The following ADARB2 variants were observed in gnomAD, a reference collection of about 807,000 sequenced individuals.
The protein encoded by ADARB2 is inactive double-stranded RNA-specific editase B2.
ADARB2 carries 25 observed loss-of-function variants against 62.2 expected under a neutral mutation model. The ratio of observed to expected loss-of-function variants is 0.40; its 90% CI spans 0.29 to 0.56. The LOEUF (loss-of-function observed/expected upper bound fraction) is 0.56. ADARB2 is among the 20% of genes least tolerant of loss of function. The pLI, the probability that ADARB2 is intolerant of heterozygous loss-of-function variation, is 0.43. For synonymous variants in ADARB2, 572 were observed against 500.8 expected (o/e 1.14, Z -1.90); for missense variants, 1,071 against 1,077.4 (o/e 0.99, Z 0.08).
chr10:1,574,639 C>T (rs1298857638), intron 1 of ADARB2, among the ~76,000 whole-genome samples: 1 of 152,170 alleles, frequency 6.6e-6, no homozygotes, highest in East Asian at 1.9e-4. Context: ...CGGGGTCCTC[C>T]CTCTGTGCAT....
At chr10:1,384,852 A>G (rs984860505) in intron 1 of ADARB2, among the ~76,000 whole-genome samples, 4 of 152,100 alleles carry the variant, frequency 2.6e-5, no homozygotes, top group Admixed American at 6.5e-5. Context: ...AGAAGGAGAG[A>G]CTCAGATTTC....
intron 3 of ADARB2, among the ~76,000 whole-genome samples, chr10:1,284,720 T>C (rs1831397928): frequency 1.3e-5 from 2 of 152,214 alleles, no homozygotes; most frequent in Non-Finnish European, 2.9e-5. Flanking sequence ...CCTATCTTCA[T>C]GGACACTACC....
intron 1 of ADARB2, among the ~76,000 whole-genome samples, chr10:1,592,350 T>C (rs1215257785): frequency 5.1e-4 from 64 of 126,692 alleles, no homozygotes; most frequent in African/African-American, 1.6e-3. Flanking sequence ...ATAGGTCTCC[T>C]CTCTGGCATG....
At chr10:1,593,074 T>A (rs796157556) in intron 1 of ADARB2, among the ~76,000 whole-genome samples, 4 of 37,924 alleles carry the variant, frequency 1.1e-4, no homozygotes, top group Admixed American at 3.0e-4. Context: ...TCACCCAGCT[T>A]CCCTCGCCCA....
At chr10:1,460,078 G>A (rs1385382549) in intron 1 of ADARB2, among the ~76,000 whole-genome samples, 3 of 58,642 alleles carry the variant, frequency 5.1e-5, no homozygotes, top group Admixed American at 1.8e-4. Context: ...GTTTACCTGC[G>A]TAACGAACCT....
chr10:1,576,366 T>G, intron 1 of ADARB2, among the ~76,000 whole-genome samples: 1 of 113,302 alleles, frequency 8.8e-6, no homozygotes, highest in South Asian at 3.3e-4. Context: ...GGAAGTGGCT[T>G]AGGGTCACAG....
intron 3 of ADARB2, among the ~76,000 whole-genome samples, chr10:1,293,404 A>C (rs2455054): frequency 2.0e-5 from 2 of 100,350 alleles, no homozygotes; most frequent in Non-Finnish European, 4.8e-5. Flanking sequence ...TTTACTCTTC[A>C]TGTGGTCTGT....
chr10:1,185,179 C>A, intron 8 of ADARB2, 140 bp from the exon 9 acceptor site: 1 of 1,155,018 alleles, frequency 8.7e-7, no homozygotes, highest in Non-Finnish European at 1.2e-6. Context: ...GGCCAGTTCA[C>A]GTGTCACCCG....
intron 1 of ADARB2, among the ~76,000 whole-genome samples, chr10:1,720,935 C>T (rs922375973): frequency 6.6e-6 from 1 of 152,212 alleles, no homozygotes; most frequent in Non-Finnish European, 1.5e-5. Flanking sequence ...AGGCACCCAC[C>T]TCCTCTCCCT....
intron 1 of ADARB2, among the ~76,000 whole-genome samples, chr10:1,513,435 G>T (rs561773092): frequency 6.6e-6 from 1 of 152,330 alleles, no homozygotes; most frequent in East Asian, 1.9e-4. Flanking sequence ...TGGAGTGTGT[G>T]GCTAGCGATG....
At chr10:1,595,160 A>G (rs1384521366) in intron 1 of ADARB2, among the ~76,000 whole-genome samples, 1 of 152,214 alleles carries the variant, frequency 6.6e-6, no homozygotes, top group Non-Finnish European at 1.5e-5. Context: ...GTTCCTCCGC[A>G]TGGATAATCT....
rs1832892442 is a variant in ADARB2, at chr10:1,426,257, G to C, written c.101-47097C>G. Among the ~76,000 whole-genome samples the C allele has an allele frequency of 6.6e-6, 1 of 152,150 alleles. No homozygotes were observed. Among genetic ancestry groups the C allele is most frequent in the Admixed American group, 6.5e-5 (1 of 15,278 alleles). On this transcript the variant is annotated intron_variant, in intron 1 of 9. Transcript: ENST00000381312. This position sits in a 1 kb window ranked among gnomAD's most constrained non-coding sequence, Gnocchi z 4.1. ...CACACAGATGAGCTCTGCAGTGCCAGCCTCATTAGGTCGGCCTGCGTGGTC... is the reference window on the plus strand; with the variant it reads ...CACACAGATGAGCTCTGCAGTGCCACCCTCATTAGGTCGGCCTGCGTGGTC...
rs770509238 is a variant in ADARB2, at chr10:1,217,096, T to C, written c.1537A>G (p.Arg513Gly). Residue 513 changes from arginine to glycine, a missense_variant, in exon 7 of 10, where the codon AGG becomes GGG. Arg to Gly is a moderately radical substitution (Grantham distance 125). Transcript: ENST00000381312. ...GTGCGCAGGTGCCCGCGGAACTTCCTGACGAGGTGTTTGCTGCTGTGCACT... is the reference window on the plus strand; with the variant it reads ...GTGCGCAGGTGCCCGCGGAACTTCCCGACGAGGTGTTTGCTGCTGTGCACT... ...TDLHSSKHLV[R>G]KFRGHLRTKI... 3 of 1,603,454 alleles carry C rather than the reference T, an allele frequency of 1.9e-6. No individual in the cohort carries two copies. Among genetic ancestry groups the C allele is most frequent in the Non-Finnish European group, 2.6e-6 (3 of 1,175,370 alleles).
chr10:1,200,615 C>T (rs1836973593), intron 7 of ADARB2, among the ~76,000 whole-genome samples: 1 of 151,938 alleles, frequency 6.6e-6, no homozygotes, highest in African/African-American at 2.4e-5. Context: ...AACAAATGAC[C>T]TTGTTTTGGT....
At chr10:1,590,925 C>T (rs567660733) in intron 1 of ADARB2, among the ~76,000 whole-genome samples, 1 of 152,344 alleles carries the variant, frequency 6.6e-6, no homozygotes, top group South Asian at 2.1e-4. Flanking sequence ...AAAAGGGGAA[C>T]TGACCACCTG....
At chr10:1,733,150 C>A (rs911621958) in intron 1 of ADARB2, among the ~76,000 whole-genome samples, 1 of 152,206 alleles carries the variant, frequency 6.6e-6, no homozygotes, top group Non-Finnish European at 1.5e-5. Context: ...TGGCCAGTCA[C>A]CCCTGAAGCC....
chr10:1,679,646 G>C (rs1203454128), intron 1 of ADARB2, among the ~76,000 whole-genome samples: 2 of 152,148 alleles, frequency 1.3e-5, no homozygotes, highest in Non-Finnish European at 2.9e-5. Flanking sequence ...TCCAGTTACA[G>C]GATGAAGAGC....
intron 3 of ADARB2, among the ~76,000 whole-genome samples, chr10:1,360,395 C>T (rs943334018): frequency 2.0e-5 from 3 of 152,342 alleles, no homozygotes; most frequent in Non-Finnish European, 4.4e-5. Context: ...GCTCCAGAGC[C>T]ACCATGCAGT....
At chr10:1,632,592 G>T (rs1255364984) in intron 1 of ADARB2, among the ~76,000 whole-genome samples, 1 of 152,228 alleles carries the variant, frequency 6.6e-6, no homozygotes, top group Non-Finnish European at 1.5e-5. Context: ...GTCCATGACG[G>T]TTCTCCAAGT....
Sources: gnomAD v4.1 joint callset for allele counts (sites outside exome capture counted in the v4.1 genomes callset) on GRCh38, gnomAD v4.1.1 for gene constraint, Gnocchi (gnomAD v3.1) non-coding constraint, MANE v1.5 for transcripts, NCBI Gene and HGNC (gene_info 2026-07-23, HGNC 2026-07-21) for gene names.